The following KIAA2013 variants were observed in gnomAD, a reference collection of about 807,000 sequenced individuals.
KIAA2013 encodes the protein uncharacterized protein KIAA2013.
In KIAA2013, 20 loss-of-function variants were observed where a neutral mutation model predicts 39.9. The observed-to-expected ratio is 0.50, with a 90% confidence interval of 0.35 to 0.73. The LOEUF (loss-of-function observed/expected upper bound fraction) is 0.73, where lower values mean the gene tolerates loss of function less well. KIAA2013 is among the 30% of genes least tolerant of loss of function. The pLI, the probability that KIAA2013 is intolerant of heterozygous loss-of-function variation, is 0.01. For missense variants in KIAA2013, 587 were observed against 856.1 expected (o/e 0.69, Z 3.92); for synonymous variants, 336 against 416.6 (o/e 0.81, Z 2.35).
intron 1 of KIAA2013, among the ~76,000 whole-genome samples, chr1:11,924,295 T>A (rs1296072346): frequency 3.5e-5 from 5 of 144,862 alleles, no homozygotes; most frequent in Non-Finnish European, 6.1e-5. Context: ...TTTCGCCACG[T>A]TGGCCAGGTT....
At position 11,926,060 on chromosome 1, in the gene KIAA2013, C is replaced by T. The variant is rs35077505; in HGVS notation, c.178G>A (p.Ala60Thr). The change falls in exon 1 of 3, where the codon GCC becomes ACC. Residue 60 changes from alanine to threonine, a missense_variant. Physicochemically the swap from Ala to Thr is moderately conservative, Grantham distance 58. Transcript: ENST00000376572. ...GCCTCCAGGCAGGCAGACGGCTCGG[C>T]GGCGCCCGGCTCACCGCGGGACCAG... ...LPWSRGEPGA[A>T]EPSACLEAAT... The T allele has an allele frequency of 5.6e-5, 81 of 1,457,534 alleles. No individual in the cohort carries two copies. The African/African-American group carries it at 9.4e-4, about 17-fold the overall frequency. 90.3% of individuals were successfully genotyped at this position (1,457,534 alleles called of 1,614,324 possible). A position where few individuals can be genotyped will look rare whatever the true frequency, so the allele number is the denominator to read the frequency against.
chr1:11,922,343 C>A, intron 2 of KIAA2013: 2 of 1,422,844 alleles, frequency 1.4e-6, no homozygotes, highest in East Asian at 2.5e-5. Context: ...GCACAAGCCA[C>A]CACACCCAGC....
In KIAA2013 at chr1:11,925,266, G is replaced by T; in HGVS notation, c.972C>A (p.Asp324Glu). Residue 324 changes from aspartate (D) to glutamate (E), a missense_variant, in exon 1 of 3, where the codon GAC becomes GAA. By Grantham distance (45) the Asp-to-Glu change is conservative (BLOSUM62 2). Coordinates refer to ENST00000376572, the MANE Select transcript of KIAA2013 (RefSeq NM_138346.3). This position sits in a 1 kb window ranked among gnomAD's most constrained non-coding sequence, Gnocchi z 5.2. ...CTTGAAGCAGCTCCGCCGCTGGCAT[G>T]TCCAAGAGCTCCAGCATTTCCTTCC... The part of the protein sequence containing the change: ...LARKEMLELL[D>E]MPAAELLQDH... The T allele has an allele frequency of 3.1e-6, 5 of 1,612,054 alleles. No individual in the cohort carries two copies. The highest frequency in any genetic ancestry group is 4.2e-6 in the Non-Finnish European group (5 of 1,178,998).
At chr1:11,922,395 AG>A in intron 2 of KIAA2013, 4 of 1,436,784 alleles carry the variant, frequency 2.8e-6, no homozygotes, top group Admixed American at 2.9e-5. Context: ...ATGCGGGAGG[AG>A]GGGAGGGCTG....
chr1:11,925,986 C>T lies in KIAA2013; in HGVS notation c.252G>A (p.Pro84=), dbSNP rs1265477980. Residue 84 remains proline, a synonymous_variant, in exon 1 of 3, where the codon CCG becomes CCA. Transcript: ENST00000376572. This position sits in a 1 kb window ranked among gnomAD's most constrained non-coding sequence, Gnocchi z 5.2. Reference sequence around the variant, plus strand: ...CCAGGGCCGGCACTCCAGGACCCAGCGGTACCACCTCACCGCGCTCCCGCA... The same window carrying T: ...CCAGGGCCGGCACTCCAGGACCCAGTGGTACCACCTCACCGCGCTCCCGCA... ...RGLRERGEVV[P]LGPGVPALVA... The T allele has an allele frequency of 3.9e-6, 6 of 1,528,266 alleles. No individual in the cohort carries two copies. Among genetic ancestry groups the T allele is most frequent in the South Asian group, 3.6e-5 (3 of 82,990 alleles). The allele number at this position is 1,528,266 out of a possible 1,614,324, so 94.7% of individuals were successfully genotyped here.
chr1:11,925,311 C>T lies in KIAA2013; in HGVS notation c.927G>A (p.Lys309=). ...CCTTCCGTGCCAAGTCCTGCAGCGC[C>T]TTGAGCTCCTTGGCTGCTTTGCTTT... ...VLKSKAAKEL[K]ALQDLARKEM... The change falls in exon 1 of 3, where the codon AAG becomes AAA. Residue 309 remains lysine, a synonymous_variant. Coordinates refer to ENST00000376572, the MANE Select transcript of KIAA2013 (RefSeq NM_138346.3). The surrounding 1 kb of genome is among the most constrained non-coding windows in gnomAD (Gnocchi z 5.2). The T allele has an allele frequency of 6.2e-7, 1 of 1,613,802 alleles. No individual in the cohort carries two copies.
In KIAA2013 at chr1:11,925,858, T is replaced by C. The variant is rs1465186672; in HGVS notation, c.380A>G (p.Gln127Arg). The change falls in exon 1 of 3, where the codon CAG becomes CGG. Residue 127 changes from glutamine to arginine, a missense_variant. Coordinates refer to ENST00000376572, the MANE Select transcript of KIAA2013 (RefSeq NM_138346.3). The surrounding 1 kb of genome is among the most constrained non-coding windows in gnomAD (Gnocchi z 5.2). The stretch of plus-strand genomic sequence containing the variant: ...AGCCAGCGCGCTCAGCGGGCGCAGC[T>C]GCACGAAGGGCACAAAGTCCGGCGC... ...AVAPDFVPFV[Q>R]LRPLSALAEA... 2 of 1,531,444 alleles carry C rather than the reference T, an allele frequency of 1.3e-6. No individual in the cohort carries two copies. The highest frequency in any genetic ancestry group is 2.0e-5 in the Admixed American group (1 of 50,962). 94.9% of individuals were successfully genotyped at this position (1,531,444 alleles called of 1,614,324 possible).
Position 11,925,662 on chromosome 1 carries a change from A to G in KIAA2013, c.576T>C (p.Phe192=), listed in dbSNP as rs1421035689. The G allele has an allele frequency of 7.5e-6, 12 of 1,607,612 alleles. No individual in the cohort carries two copies. The highest frequency in any genetic ancestry group is 1.3e-5 in the African/African-American group (1 of 74,860). ...GRDCVLLQED[F]LAHRGRPHVY... Reference sequence around the variant, plus strand: ...CGTGGGGTCGGCCCCTGTGCGCCAGAAAGTCCTCTTGCAGCAGCACGCAGT... The same window carrying G: ...CGTGGGGTCGGCCCCTGTGCGCCAGGAAGTCCTCTTGCAGCAGCACGCAGT... The change falls in exon 1 of 3, where the codon TTT becomes TTC. Residue 192 remains phenylalanine (F), a synonymous_variant. Coordinates refer to ENST00000376572, the MANE Select transcript of KIAA2013 (RefSeq NM_138346.3). This position sits in a 1 kb window ranked among gnomAD's most constrained non-coding sequence, Gnocchi z 5.2.
At position 11,925,737 on chromosome 1, in the gene KIAA2013, G is replaced by C. The variant is rs779441998; in HGVS notation, c.501C>G (p.Ala167=). 1.9e-6 allele frequency: 3 copies of C among 1,541,954 alleles called. No homozygotes were observed. Among genetic ancestry groups the C allele is most frequent in the Non-Finnish European group, 1.7e-6 (2 of 1,153,014 alleles). The change falls in exon 1 of 3, where the codon GCC becomes GCG. Residue 167 remains alanine, a synonymous_variant. Transcript: ENST00000376572. The surrounding 1 kb of genome is among the most constrained non-coding windows in gnomAD (Gnocchi z 5.2). ...LGSPGPGPVA[A]GPGPASVSGL... is the part of the protein sequence containing the mutation. The stretch of plus-strand genomic sequence containing the variant: ...CAGAGACGGAGGCGGGCCCGGGGCC[G>C]GCGGCCACGGGGCCAGGACCTGGGG...
In KIAA2013 at chr1:11,925,772, G is replaced by T. The variant is rs1303412276; in HGVS notation, c.466C>A (p.Gln156Lys). 1 of 1,544,438 alleles carries T rather than the reference G, an allele frequency of 6.5e-7. No homozygotes were observed. The highest frequency in any genetic ancestry group is 8.7e-7 in the Non-Finnish European group (1 of 1,152,778). ...EGLLRRVRCL[Q>K]LGSPGPGPVA... is the part of the protein sequence containing the mutation. ...GGGCCAGGACCTGGGGACCCCAGCT[G>T]CAGGCAACGCACGCGGCGCAGAAGC... The change falls in exon 1 of 3, where the codon CAG becomes AAG. Residue 156 changes from glutamine to lysine, a missense_variant. Transcript: ENST00000376572. This position sits in a 1 kb window ranked among gnomAD's most constrained non-coding sequence, Gnocchi z 5.2.
chr1:11,922,682 T>C lies in KIAA2013; in HGVS notation c.1841A>G (p.Tyr614Cys). The C allele has an allele frequency of 1.2e-6, 2 of 1,613,752 alleles. No individual in the cohort carries two copies. Among genetic ancestry groups the C allele is most frequent in the Non-Finnish European group, 8.5e-7 (1 of 1,179,884 alleles). ...GGCTCCAGGCCCACAGTACTCGTTG[T>C]AGATGAGCTTGAAGAGGAAGAGGTG... ...LFHLFLFKLI[Y>C]NEYCGPGAKP... Residue 614 changes from tyrosine to cysteine, a missense_variant, in exon 2 of 3, where the codon TAC (tyrosine) becomes TGC (cysteine). Transcript: ENST00000376572.
rs753970721 is a variant in KIAA2013 at position 11,926,099 on chromosome 1, G to GGCCGCCC, written c.132_138dup (p.Leu47GlyfsTer12). Reference sequence around the variant, plus strand: ...CCGCGGGACCAGGGCAGCAGGTGCAGGCCGCCCGCCGCCCGCCGCGCGCCG... The same window carrying GGCCGCCC: ...CCGCGGGACCAGGGCAGCAGGTGCAGGCCGCCCGCCGCCCGCCGCCCGCCGCGCGCCG... On this transcript the variant is annotated frameshift_variant, in exon 1 of 3. Coordinates refer to ENST00000376572, the MANE Select transcript of KIAA2013 (RefSeq NM_138346.3). LOFTEE classifies it high-confidence loss of function. 1.1e-5 allele frequency: 15 copies of GGCCGCCC among 1,425,126 alleles called. No homozygotes were observed. Among genetic ancestry groups the GGCCGCCC allele is most frequent in the East Asian group, 3.2e-5 (1 of 31,050 alleles). 88.3% of individuals were successfully genotyped at this position (1,425,126 alleles called of 1,614,324 possible).
At chr1:11,921,874 G>T (rs1045359733) in intron 2 of KIAA2013, among the ~76,000 whole-genome samples, 1 of 151,856 alleles carries the variant, frequency 6.6e-6, no homozygotes, top group Non-Finnish European at 1.5e-5. Flanking sequence ...TTTAGACAGG[G>T]TCTCACTCTG....
Position 11,923,258 on chromosome 1 carries a change from T to C in KIAA2013, c.1265A>G (p.Gln422Arg). ...LWPGRLSSVQ[Q>R]ILQLSDLWRL... ...CCACAGGTCAGAGAGCTGCAGGATC[T>C]GCTGGACGGAGGACAGCCGCCCCGG... Residue 422 changes from glutamine (Q) to arginine (R), a missense_variant, in exon 2 of 3, where the codon CAG becomes CGG. Gln to Arg is a conservative substitution (Grantham distance 43). Coordinates refer to ENST00000376572, the MANE Select transcript of KIAA2013 (RefSeq NM_138346.3). The surrounding 1 kb of genome is among the most constrained non-coding windows in gnomAD (Gnocchi z 4.6). 4.3e-6 allele frequency: 7 copies of C among 1,613,614 alleles called. No individual in the cohort carries two copies. Among genetic ancestry groups the C allele is most frequent in the Non-Finnish European group, 5.9e-6 (7 of 1,179,748 alleles).
Position 11,923,532 on chromosome 1 carries a change from TG to T in KIAA2013, c.1034-44del. On this transcript the variant is annotated intron_variant, in intron 1 of 2. Transcript: ENST00000376572. This position sits in a 1 kb window ranked among gnomAD's most constrained non-coding sequence, Gnocchi z 4.6. ...CGGCATGTTAAGGGGGAAGGACAGC[TG>T]GGAGGCAGAGCATACGAAATAAAGA... 1 of 1,592,810 alleles carries T rather than the reference TG, an allele frequency of 6.3e-7. No individual in the cohort carries two copies. The highest frequency in any genetic ancestry group is 8.5e-7 in the Non-Finnish European group (1 of 1,175,534).
At chr1:11,924,449 C>T (rs1264073563) in intron 1 of KIAA2013, among the ~76,000 whole-genome samples, 1 of 152,022 alleles carries the variant, frequency 6.6e-6, no homozygotes, top group Non-Finnish European at 1.5e-5. Flanking sequence ...TTTCTAATGT[C>T]TGTCTTCCTC....
chr1:11,924,144 C>T (rs1217618809), intron 1 of KIAA2013, among the ~76,000 whole-genome samples: 1 of 152,092 alleles, frequency 6.6e-6, no homozygotes, highest in Non-Finnish European at 1.5e-5. Flanking sequence ...AAAACATACA[C>T]ACACACAACT....
rs899918868 is a variant in KIAA2013, at chr1:11,925,733, G to T, written c.505C>A (p.Pro169Thr). ...SPGPGPVAAG[P>T]GPASVSGLAA... ...AGGCCAGAGACGGAGGCGGGCCCGGGGCCGGCGGCCACGGGGCCAGGACCT... is the reference window on the plus strand; with the variant it reads ...AGGCCAGAGACGGAGGCGGGCCCGGTGCCGGCGGCCACGGGGCCAGGACCT... The change falls in exon 1 of 3, where the codon CCC becomes ACC. Residue 169 changes from proline (P) to threonine (T), a missense_variant. Transcript: ENST00000376572. The surrounding 1 kb of genome is among the most constrained non-coding windows in gnomAD (Gnocchi z 5.2). 3.2e-6 allele frequency: 5 copies of T among 1,546,916 alleles called. No individual in the cohort carries two copies. In the Admixed American group the frequency reaches 6.2e-5, roughly 19 times the overall value.
Position 11,925,564 on chromosome 1 carries a change from G to C in KIAA2013, c.674C>G (p.Ala225Gly). 2 of 1,607,790 alleles carry C rather than the reference G, an allele frequency of 1.2e-6. No homozygotes were observed. Among genetic ancestry groups the C allele is most frequent in the Non-Finnish European group, 1.7e-6 (2 of 1,178,574 alleles). Reference protein sequence around the residue: ...VAALQTVGPTAGPAPKAFTST... With the variant: ...VAALQTVGPTGGPAPKAFTST... ...GGTGAAGGCCTTGGGGGCTGGGCCG[G>C]CAGTGGGCCCCACAGTCTGCAGCGC... is the stretch of plus-strand genomic sequence containing the variant. The change falls in exon 1 of 3, where the codon GCC becomes GGC. Residue 225 changes from alanine (A) to glycine (G), a missense_variant. Coordinates refer to ENST00000376572, the MANE Select transcript of KIAA2013 (RefSeq NM_138346.3). The surrounding 1 kb of genome is among the most constrained non-coding windows in gnomAD (Gnocchi z 5.2).
Sources: gnomAD v4.1 joint callset for allele counts (sites outside exome capture counted in the v4.1 genomes callset) on GRCh38, gnomAD v4.1.1 for gene constraint, Gnocchi (gnomAD v3.1) non-coding constraint, MANE v1.5 for transcripts, NCBI Gene and HGNC (gene_info 2026-07-23, HGNC 2026-07-21) for gene names.